Variants in CNTNAP2 observed in about 807,000 individuals in gnomAD.
CNTNAP2 encodes contactin-associated protein-like 2.
Under a neutral mutation model 155.2 loss-of-function variants are expected in CNTNAP2, and 98 were observed. That is an observed-to-expected ratio of 0.63 (90% CI 0.54 to 0.75). CNTNAP2 has a LOEUF of 0.75. Among genes scored for constraint, CNTNAP2 ranks in the 30% least tolerant of loss-of-function variants. The pLI is 0.00. For missense variants in CNTNAP2, 1,727 were observed against 1,688.1 expected (o/e 1.02, Z -0.40); for synonymous variants, 651 against 631.2 (o/e 1.03, Z -0.47).
chr7:146,435,123 T>C (rs1257078158), intron 1 of CNTNAP2, among the ~76,000 whole-genome samples: 2 of 152,162 alleles, frequency 1.3e-5, no homozygotes, highest in Non-Finnish European at 2.9e-5. Context: ...GATAGTCTCA[T>C]GGTCAGAGGG....
chr7:148,061,226 TAGAA>T (rs1468731509), intron 15 of CNTNAP2, among the ~76,000 whole-genome samples: 1 of 151,604 alleles, frequency 6.6e-6, no homozygotes, highest in Non-Finnish European at 1.5e-5. Flanking sequence ...TGAAGTCTGT[TAGAA>T]AGAGAATAAT....
At chr7:146,921,453 C>T (rs934177572) in intron 3 of CNTNAP2, among the ~76,000 whole-genome samples, 2 of 151,862 alleles carry the variant, frequency 1.3e-5, no homozygotes, top group South Asian at 2.1e-4. Context: ...AGTTCTCATG[C>T]GGCTAACAAA....
At chr7:147,212,950 T>A (rs1803189003) in intron 8 of CNTNAP2, among the ~76,000 whole-genome samples, 1 of 152,086 alleles carries the variant, frequency 6.6e-6, no homozygotes, top group Non-Finnish European at 1.5e-5. Context: ...AAATTAATAA[T>A]CTCTGAGACA....
chr7:147,736,721 C>A (rs1352179263), intron 13 of CNTNAP2, among the ~76,000 whole-genome samples: 2 of 152,144 alleles, frequency 1.3e-5, no homozygotes, highest in Non-Finnish European at 2.9e-5. Context: ...TTGTTCGTTT[C>A]TTTTTATTCT....
intron 3 of CNTNAP2, among the ~76,000 whole-genome samples, chr7:147,042,054 T>G (rs1232046283): frequency 6.6e-6 from 1 of 151,952 alleles, no homozygotes; most frequent in Non-Finnish European, 1.5e-5. Flanking sequence ...AAAGAAAATG[T>G]CTTTTTAGAA....
intron 3 of CNTNAP2, among the ~76,000 whole-genome samples, chr7:146,939,551 T>C (rs1297805003): frequency 6.6e-6 from 1 of 152,206 alleles, no homozygotes; most frequent in African/African-American, 2.4e-5. Flanking sequence ...TGTGGGAATG[T>C]GATTGCCATT....
At chr7:148,253,806 G>T (rs918849538) in intron 20 of CNTNAP2, among the ~76,000 whole-genome samples, 2 of 152,066 alleles carry the variant, frequency 1.3e-5, no homozygotes, top group Non-Finnish European at 1.5e-5. Context: ...CAACCTACTG[G>T]CTTCTCAAGA....
intron 1 of CNTNAP2, among the ~76,000 whole-genome samples, chr7:146,754,565 T>C (rs1801961910): frequency 6.6e-6 from 1 of 151,618 alleles, no homozygotes; most frequent in Non-Finnish European, 1.5e-5. Flanking sequence ...TCTCTCTCTC[T>C]CTCTCTCTCT....
At chr7:147,061,651 A>G (rs187079308) in intron 4 of CNTNAP2, among the ~76,000 whole-genome samples, 43 of 152,300 alleles carry the variant, frequency 2.8e-4, no homozygotes, top group African/African-American at 1.0e-3. Flanking sequence ...CGATTCAGTG[A>G]TTCTCTGCTG....
chr7:147,123,770 G>C (rs1241961510), intron 6 of CNTNAP2, among the ~76,000 whole-genome samples: 1 of 152,176 alleles, frequency 6.6e-6, no homozygotes, highest in African/African-American at 2.4e-5. Flanking sequence ...GCCAGGCATG[G>C]TGGCTCACGC....
At chr7:148,345,867 C>A (rs913412269) in intron 21 of CNTNAP2, among the ~76,000 whole-genome samples, 1 of 152,026 alleles carries the variant, frequency 6.6e-6, no homozygotes, top group Non-Finnish European at 1.5e-5. Context: ...CTTGGTGTGA[C>A]ATTTGATGTA....
intron 8 of CNTNAP2, among the ~76,000 whole-genome samples, chr7:147,291,501 T>C (rs533605572): frequency 6.6e-6 from 1 of 152,194 alleles, no homozygotes; most frequent in African/African-American, 2.4e-5. Flanking sequence ...CATTCCTTTT[T>C]CTTTTTTATT....
intron 1 of CNTNAP2, among the ~76,000 whole-genome samples, chr7:146,721,695 A>G (rs1801325157): frequency 1.7e-5 from 2 of 117,592 alleles, no homozygotes; most frequent in Non-Finnish European, 3.1e-5. Flanking sequence ...TTCTATATAT[A>G]TATTCTATAT....
intron 1 of CNTNAP2, among the ~76,000 whole-genome samples, chr7:146,234,364 C>T (rs1490933958): frequency 2.0e-5 from 3 of 151,834 alleles, no homozygotes; most frequent in Non-Finnish European, 2.9e-5. Context: ...GGATATTAGC[C>T]CTTTGTCAGA....
chr7:147,414,702 G>A (rs1797159073), intron 10 of CNTNAP2, among the ~76,000 whole-genome samples: 1 of 151,966 alleles, frequency 6.6e-6, no homozygotes. Context: ...AGCACTTTGG[G>A]AGGCCAAGGT....
intron 1 of CNTNAP2, among the ~76,000 whole-genome samples, chr7:146,170,394 A>T: frequency 6.6e-6 from 1 of 151,990 alleles, no homozygotes; most frequent in East Asian, 1.9e-4. Context: ...TTACATTCCA[A>T]CCGAAGGGCA....
intron 13 of CNTNAP2, among the ~76,000 whole-genome samples, chr7:147,789,844 A>G (rs1299457632): frequency 6.6e-6 from 1 of 152,082 alleles, no homozygotes; most frequent in Non-Finnish European, 1.5e-5. Flanking sequence ...TTGGACTTAC[A>G]TCAGCAGTTT....
intron 1 of CNTNAP2, among the ~76,000 whole-genome samples, chr7:146,724,149 A>G (rs1383497506): frequency 6.6e-6 from 1 of 152,178 alleles, no homozygotes; most frequent in East Asian, 1.9e-4. Context: ...AAGTGGCTAC[A>G]TTCCTACAAT....
chr7:147,670,385 A>G (rs1795767695), intron 13 of CNTNAP2, among the ~76,000 whole-genome samples: 2 of 152,160 alleles, frequency 1.3e-5, no homozygotes, highest in African/African-American at 2.4e-5. Flanking sequence ...TGGATCCCCA[A>G]CAAAACCCCA....
Sources: allele counts gnomAD v4.1 joint callset (sites outside exome capture counted in the v4.1 genomes callset), GRCh38; gene constraint gnomAD v4.1.1; transcripts MANE v1.5; gene names NCBI Gene and HGNC (gene_info 2026-07-23, HGNC 2026-07-21).